SND1: variants seen among roughly 807,000 people sequenced by gnomAD.
SND1 encodes the protein staphylococcal nuclease domain-containing protein 1.
SND1 carries 38 observed loss-of-function variants against 121.7 expected under a neutral mutation model. The observed-to-expected ratio is 0.31, with a 90% CI of 0.24 to 0.41. The LOEUF is 0.41. Ranked by LOEUF, SND1 falls within the 10% of genes least tolerant of loss-of-function variation. The pLI is 1.00. For synonymous variants in SND1, 401 were observed against 447.4 expected, an observed-to-expected ratio of 0.90 and a Z score of 1.31; for missense variants, 868 against 1,184.6, an observed-to-expected ratio of 0.73 and a Z score of 3.92.
chr7:127,769,465 T>A (rs953284098), intron 10 of SND1, among the ~76,000 whole-genome samples: 1 of 152,232 alleles, frequency 6.6e-6, no homozygotes, highest in Non-Finnish European at 1.5e-5. Flanking sequence ...TTCAGAGGAC[T>A]GAACTTAAAT....
At chr7:127,664,368 T>C (rs189782770) in intron 1 of SND1, among the ~76,000 whole-genome samples, 2 of 152,346 alleles carry the variant, frequency 1.3e-5, no homozygotes, top group Admixed American at 1.3e-4. Context: ...TCGAGTTCAA[T>C]CACTGATGGC....
At chr7:127,670,131 C>T (rs1035174508) in intron 1 of SND1, among the ~76,000 whole-genome samples, 1 of 152,004 alleles carries the variant, frequency 6.6e-6, no homozygotes, top group Admixed American at 6.6e-5. Flanking sequence ...GCTGGGATCA[C>T]AGGCGTGTGC....
chr7:128,078,275 C>T (rs1216792295), intron 17 of SND1, among the ~76,000 whole-genome samples: 1 of 152,250 alleles, frequency 6.6e-6, no homozygotes, highest in East Asian at 1.9e-4. Context: ...CAGCTGGTCA[C>T]CTCCATCCCC....
At chr7:127,657,831 T>C (rs1456896375) in intron 1 of SND1, among the ~76,000 whole-genome samples, 4 of 152,140 alleles carry the variant, frequency 2.6e-5, no homozygotes, top group Non-Finnish European at 5.9e-5. Context: ...TTATAGTAGC[T>C]CTTCAGTTCC....
At chr7:128,047,299 G>A (rs1792966736) in intron 16 of SND1, among the ~76,000 whole-genome samples, 1 of 152,222 alleles carries the variant, frequency 6.6e-6, no homozygotes, top group Admixed American at 6.5e-5. Context: ...TGTGGACTCA[G>A]GCAGCCTAAG....
chr7:127,858,026 A>C, intron 12 of SND1: 1 of 1,447,882 alleles, frequency 6.9e-7, no homozygotes, highest in African/African-American at 1.4e-5. Flanking sequence ...TTATATTCCC[A>C]CATCACATCC....
chr7:128,045,680 C>T (rs1792933520), intron 16 of SND1, among the ~76,000 whole-genome samples: 1 of 152,104 alleles, frequency 6.6e-6, no homozygotes, highest in Non-Finnish European at 1.5e-5. Context: ...AATGTCAGTC[C>T]CTAAGTAGGA....
At chr7:127,915,206 G>A (rs545088579) in intron 14 of SND1, among the ~76,000 whole-genome samples, 3 of 152,134 alleles carry the variant, frequency 2.0e-5, no homozygotes, top group Admixed American at 1.3e-4. Flanking sequence ...TAGAGATGGG[G>A]TTTTGCCATG....
intron 16 of SND1, among the ~76,000 whole-genome samples, chr7:128,056,064 A>G (rs1279981470): frequency 2.0e-5 from 3 of 152,344 alleles, no homozygotes; most frequent in Admixed American, 2.0e-4. Flanking sequence ...ACTTAAAACA[A>G]CCACTTCACA....
intron 14 of SND1, among the ~76,000 whole-genome samples, chr7:127,906,008 T>G (rs1380849118): frequency 6.6e-6 from 1 of 152,178 alleles, no homozygotes; most frequent in Non-Finnish European, 1.5e-5. Flanking sequence ...TGGTGATTGC[T>G]TGCTACAAAT....
chr7:127,988,257 G>A (rs922506582), intron 15 of SND1, among the ~76,000 whole-genome samples: 2 of 152,142 alleles, frequency 1.3e-5, no homozygotes, highest in African/African-American at 4.8e-5. Context: ...TCCTGGCCCT[G>A]ACTTTGTACC....
At chr7:127,683,009 C>T (rs1795753411) in intron 1 of SND1, among the ~76,000 whole-genome samples, 2 of 152,022 alleles carry the variant, frequency 1.3e-5, no homozygotes, top group Admixed American at 6.6e-5. Context: ...CATATTTTAC[C>T]CAGACATTTA....
intron 14 of SND1, among the ~76,000 whole-genome samples, chr7:127,915,670 G>T (rs912295998): frequency 6.6e-6 from 1 of 152,162 alleles, no homozygotes; most frequent in Non-Finnish European, 1.5e-5. Context: ...ACAGAGTCCT[G>T]GGAGAGTGTA....
chr7:127,672,320 A>G (rs1032477453), intron 1 of SND1, among the ~76,000 whole-genome samples: 10 of 152,154 alleles, frequency 6.6e-5, no homozygotes, highest in African/African-American at 1.7e-4. Flanking sequence ...TAACATGGTT[A>G]TGGCAGGTGC....
chr7:128,053,115 A>G (rs1376580331), intron 16 of SND1, among the ~76,000 whole-genome samples: 1 of 152,268 alleles, frequency 6.6e-6, no homozygotes, highest in Non-Finnish European at 1.5e-5. Flanking sequence ...CATTAGAGAC[A>G]CAATTATGGG....
Position 127,888,028 on chromosome 7 carries a change from A to G in SND1, c.1454+16A>G. Reference sequence around the variant, plus strand: ...CAGAGGCCAGGTAAGACCAAACATTACTAAACACATGGGGAACCCACACCC... The same window carrying G: ...CAGAGGCCAGGTAAGACCAAACATTGCTAAACACATGGGGAACCCACACCC... On this transcript the variant is annotated intron_variant, in intron 13 of 23. Transcript: ENST00000354725. 6.4e-7 allele frequency: 1 copy of G among 1,572,426 alleles called. No homozygotes were observed. Among genetic ancestry groups the G allele is most frequent in the South Asian group, 1.1e-5 (1 of 89,986 alleles).
chr7:127,685,408 G>A (rs779562162), intron 1 of SND1, among the ~76,000 whole-genome samples: 3 of 152,192 alleles, frequency 2.0e-5, no homozygotes, highest in Middle Eastern at 3.4e-3. Flanking sequence ...CTAACCTTTC[G>A]AAGCTATTTT....
chr7:127,975,728 G>T (rs1274667010), intron 15 of SND1, among the ~76,000 whole-genome samples: 1 of 152,188 alleles, frequency 6.6e-6, no homozygotes, highest in East Asian at 1.9e-4. Flanking sequence ...TGTGAGGCTG[G>T]CAGATCACTA....
At chr7:127,938,040 G>A (rs1801099533) in intron 15 of SND1, among the ~76,000 whole-genome samples, 1 of 152,144 alleles carries the variant, frequency 6.6e-6, no homozygotes, top group African/African-American at 2.4e-5. Flanking sequence ...TGTAAAGTGG[G>A]GTATTCTTTC....
Sources: gnomAD v4.1 joint callset for allele counts (sites outside exome capture counted in the v4.1 genomes callset) on GRCh38, gnomAD v4.1.1 for gene constraint, MANE v1.5 for transcripts, NCBI Gene and HGNC (gene_info 2026-07-23, HGNC 2026-07-21) for gene names.